The following TAF1C variants were observed in gnomAD, a reference collection of about 807,000 sequenced individuals.
TAF1C encodes TATA-box binding protein associated factor, RNA polymerase I subunit C, also known as TATA box-binding protein-associated factor RNA polymerase I subunit C.
TAF1C carries 79 observed loss-of-function variants against 70.5 expected under a neutral mutation model. That is an observed-to-expected ratio of 1.12 (90% CI 0.93 to 1.35). The LOEUF (loss-of-function observed/expected upper bound fraction) is 1.35. Among genes scored for constraint, TAF1C ranks in the 40% most tolerant of loss-of-function variants. The pLI, the probability that TAF1C is intolerant of heterozygous loss-of-function variation, is 0.00. For missense variants in TAF1C, 1,412 were observed against 1,127.8 expected, an observed-to-expected ratio of 1.25 and a Z score of -3.61; for synonymous variants, 614 against 491.1, an observed-to-expected ratio of 1.25 and a Z score of -3.31.
At chr16:84,183,610 G>C in intron 3 of TAF1C, 87 bp downstream of exon 3, 3 of 1,543,700 alleles carry the variant, frequency 1.9e-6, no homozygotes, top group Non-Finnish European at 2.7e-6. Context: ...CACAGGCTTA[G>C]CAGGGAGAGG....
Position 84,178,890 on chromosome 16 carries a change from G to C in TAF1C, c.*51C>G, listed in dbSNP as rs2088899965. ...ACTGTGGAAGGCACATCTGGTCCCA[G>C]AGGAAGGATGAGGGGCTCTCTGGGG... On this transcript the variant is annotated 3_prime_UTR_variant, in exon 15 of 15. Transcript: ENST00000566732. 2.0e-6 allele frequency: 3 copies of C among 1,513,392 alleles called. No homozygotes were observed. The East Asian group carries it at 6.8e-5, about 34-fold the overall frequency. 93.7% of individuals were successfully genotyped at this position (1,513,392 alleles called of 1,614,324 possible).
Position 84,181,351 on chromosome 16 carries a change from C to A in TAF1C, c.1141G>T (p.Gly381Ter), listed in dbSNP as rs748344899. 6.2e-7 allele frequency: 1 copy of A among 1,613,722 alleles called. No homozygotes were observed. The highest frequency in any genetic ancestry group is 1.1e-5 in the South Asian group (1 of 91,076). Residue 381 changes from glycine to a stop codon, truncating the protein, a stop_gained, in exon 11 of 15, where the codon GGA (glycine) becomes TGA (stop). Transcript: ENST00000566732. LOFTEE classifies it high-confidence loss of function. ...PRVLTVGDRT[G>*]VKMLDTQGPP... Reference sequence around the variant, plus strand: ...ACCTGAGTGTCCAGCATCTTCACTCCGGTGCGGTCACCCACGGTCAGCACC... The same window carrying A: ...ACCTGAGTGTCCAGCATCTTCACTCAGGTGCGGTCACCCACGGTCAGCACC...
chr16:84,178,679 C>T lies in TAF1C; in HGVS notation c.*262G>A. 1 of 531,936 alleles carries T rather than the reference C, an allele frequency of 1.9e-6. No homozygotes were observed. The highest frequency in any genetic ancestry group is 3.4e-6 in the Non-Finnish European group (1 of 296,024). 33.0% of individuals were successfully genotyped at this position (531,936 alleles called of 1,614,324 possible). A position where few individuals can be genotyped will look rare whatever the true frequency, so the allele number is the denominator to read the frequency against. On this transcript the variant is annotated 3_prime_UTR_variant, in exon 15 of 15. Coordinates refer to ENST00000566732, the MANE Select transcript of TAF1C (RefSeq NM_001243156.2). The stretch of plus-strand genomic sequence containing the variant: ...CCTGCCTCCCAGCACAGACTAAAAT[C>T]CCAGCAACACAGGCCCACCGGCACC...
In TAF1C at chr16:84,179,398, C is replaced by A. The variant is rs571590962; in HGVS notation, c.2075G>T (p.Ser692Ile). The change falls in exon 15 of 15, where the codon AGT becomes ATT. Residue 692 changes from serine (S) to isoleucine (I), a missense_variant. Ser to Ile is a moderately radical substitution (Grantham distance 142). Coordinates refer to ENST00000566732, the MANE Select transcript of TAF1C (RefSeq NM_001243156.2). ...TGCCCAGGCTTCCCCCAGGCGCTCA[C>A]TGAGCTTGTCCTCTAGGCCTGACTC... ...APESGLEDKL[S>I]ERLGEAWAGR... 16 of 1,598,240 alleles carry A rather than the reference C, an allele frequency of 1.0e-5. No homozygotes were observed. In the African/African-American group the frequency reaches 2.0e-4, roughly 20 times the overall value.
In TAF1C at chr16:84,181,415, G is replaced by C. The variant is rs761487145; in HGVS notation, c.1077C>G (p.Ser359=). The change falls in exon 11 of 15, where the codon TCC becomes TCG. Residue 359 remains serine (S), a synonymous_variant. Transcript: ENST00000566732. ...RDPETLVFRD[S]SSWRWADFTA... is the part of the protein sequence containing the mutation. Reference sequence around the variant, plus strand: ...TGAAGTCTGCCCAACGCCACGAAGAGGAGTCCCGGAACACGAGGGTCTCAG... The same window carrying C: ...TGAAGTCTGCCCAACGCCACGAAGACGAGTCCCGGAACACGAGGGTCTCAG... The C allele has an allele frequency of 6.2e-7, 1 of 1,613,920 alleles. No individual in the cohort carries two copies.
In TAF1C at chr16:84,180,025, G is replaced by A. The variant is rs760424012; in HGVS notation, c.1542C>T (p.Ile514=). 4.3e-6 allele frequency: 7 copies of A among 1,610,334 alleles called. No homozygotes were observed. Among genetic ancestry groups the A allele is most frequent in the South Asian group, 2.2e-5 (2 of 90,720 alleles). ...GCAGAGGAAATGCAGGGAGGGAGTC[G>A]ATCCTGGAAGGAAGAGACTGGGGGG... The part of the protein sequence containing the change: ...AGPPQSLPSR[I]DSLPAFPLLE... The change falls in exon 14 of 15, where the codon ATC becomes ATT. Residue 514 remains isoleucine, a synonymous_variant. Transcript: ENST00000566732.
chr16:84,178,326 A>G lies in TAF1C; in HGVS notation c.*615T>C. ...CATCTCTCTGCATGAGCTCAGTGTCAGGTAGTAGCTGTGGCGGGACGCTGT... is the reference window on the plus strand; with the variant it reads ...CATCTCTCTGCATGAGCTCAGTGTCGGGTAGTAGCTGTGGCGGGACGCTGT... On this transcript the variant is annotated 3_prime_UTR_variant, in exon 15 of 15. Coordinates refer to ENST00000566732, the MANE Select transcript of TAF1C (RefSeq NM_001243156.2). The G allele has an allele frequency of 6.6e-6, 3 of 457,006 alleles. No individual in the cohort carries two copies. Among genetic ancestry groups the G allele is most frequent in the Non-Finnish European group, 1.3e-5 (3 of 227,160 alleles). The allele number at this position is 457,006 out of a possible 1,614,324, so 28.3% of individuals were successfully genotyped here. A position where few individuals can be genotyped will look rare whatever the true frequency, so the allele number is the denominator to read the frequency against.
At chr16:84,180,846 C>T in intron 12 of TAF1C, 197 bp downstream of exon 12, 1 of 1,407,992 alleles carries the variant, frequency 7.1e-7, no homozygotes, top group Non-Finnish European at 9.2e-7. Flanking sequence ...AGGGGAGGCC[C>T]TGGGAGAGCT....
chr16:84,182,510 G>A lies in TAF1C; in HGVS notation c.483-70C>T. 7.1e-7 allele frequency: 1 copy of A among 1,414,988 alleles called. No individual in the cohort carries two copies. Among genetic ancestry groups the A allele is most frequent in the South Asian group, 1.3e-5 (1 of 77,358 alleles). The allele number at this position is 1,414,988 out of a possible 1,614,324, so 87.7% of individuals were successfully genotyped here. ...GGGAGGACAGGTCCCATCCCAAGGA[G>A]GCCAAGTGCAGTGGACACATTTCTT... On this transcript the variant is annotated intron_variant, in intron 6 of 14. Coordinates refer to ENST00000566732, the MANE Select transcript of TAF1C (RefSeq NM_001243156.2). This position sits in a 1 kb window ranked among gnomAD's most constrained non-coding sequence, Gnocchi z 5.0.
rs745738937 is a variant in TAF1C, at chr16:84,182,082, T to C, written c.722-24A>G. 9 of 1,609,306 alleles carry C rather than the reference T, an allele frequency of 5.6e-6. No homozygotes were observed. Among genetic ancestry groups the C allele is most frequent in the Admixed American group, 3.3e-5 (2 of 59,756 alleles). On this transcript the variant is annotated intron_variant, in intron 7 of 14. Transcript: ENST00000566732. This position sits in a 1 kb window ranked among gnomAD's most constrained non-coding sequence, Gnocchi z 5.0. The stretch of plus-strand genomic sequence containing the variant: ...ATCTGGGCCTCTCACTAAGGATCAG[T>C]GCACGAGCTATGATCACTGCAAGCC...
At chr16:84,184,726 G>A in intron 2 of TAF1C, 125 bp downstream of exon 2, 1 of 1,242,620 alleles carries the variant, frequency 8.0e-7, no homozygotes, top group South Asian at 1.6e-5. Flanking sequence ...GGCAGAGCCT[G>A]TGTCTCAGCA....
Position 84,183,401 on chromosome 16 carries a change from C to A in TAF1C, c.318+9G>T, listed in dbSNP as rs770505773. ...GCTACGCAGCACTGTCCCCCGTGGG[C>A]CCACTCACCTGCTCAGTCACATCCA... On this transcript the variant is annotated intron_variant, in intron 4 of 14. Coordinates refer to ENST00000566732, the MANE Select transcript of TAF1C (RefSeq NM_001243156.2). The A allele has an allele frequency of 1.2e-6, 2 of 1,612,952 alleles. No individual in the cohort carries two copies. The highest frequency in any genetic ancestry group is 8.5e-7 in the Non-Finnish European group (1 of 1,179,472).
At chr16:84,183,646 G>A (rs1172182828) in intron 3 of TAF1C, 51 bp downstream of exon 3, 1 of 1,571,790 alleles carries the variant, frequency 6.4e-7, no homozygotes, top group Non-Finnish European at 8.7e-7. Context: ...GGAGCAGTGG[G>A]AAGAATAGGT....
At position 84,179,274 on chromosome 16, in the gene TAF1C, G is replaced by C; in HGVS notation, c.2199C>G (p.Ser733Arg). The stretch of plus-strand genomic sequence containing the variant: ...GATCCACATGGCCACTGAGCGAAAA[G>C]CTGCTGGACAGCTGGGTCCGGCGCT... ...RPKRRTQLSS[S>R]FSLSGHVDPS... Residue 733 changes from serine to arginine, a missense_variant, in exon 15 of 15, where the codon AGC (serine) becomes AGG (arginine). Physicochemically the swap from Ser to Arg is moderately radical, Grantham distance 110 (BLOSUM62 -1). Transcript: ENST00000566732. 1.9e-6 allele frequency: 3 copies of C among 1,589,064 alleles called. No homozygotes were observed. Among genetic ancestry groups the C allele is most frequent in the Non-Finnish European group, 2.6e-6 (3 of 1,173,726 alleles).
At chr16:84,180,965 C>A in intron 12 of TAF1C, 78 bp downstream of exon 12, 2 of 1,497,592 alleles carry the variant, frequency 1.3e-6, no homozygotes, top group Non-Finnish European at 1.8e-6. Flanking sequence ...CCCAGCAGAG[C>A]CGCTGGTAAG....
At position 84,178,891 on chromosome 16, in the gene TAF1C, A is replaced by G. The variant is rs762222582; in HGVS notation, c.*50T>C. ...CTGTGGAAGGCACATCTGGTCCCAG[A>G]GGAAGGATGAGGGGCTCTCTGGGGC... On this transcript the variant is annotated 3_prime_UTR_variant, in exon 15 of 15. Coordinates refer to ENST00000566732, the MANE Select transcript of TAF1C (RefSeq NM_001243156.2). 1.3e-6 allele frequency: 2 copies of G among 1,513,432 alleles called. No individual in the cohort carries two copies. The highest frequency in any genetic ancestry group is 2.3e-5 in the East Asian group (1 of 44,118). The allele number at this position is 1,513,432 out of a possible 1,614,324, so 93.8% of individuals were successfully genotyped here. A position where few individuals can be genotyped will look rare whatever the true frequency, so the allele number is the denominator to read the frequency against.
At chr16:84,180,602 C>A in intron 12 of TAF1C, 1 of 585,102 alleles carries the variant, frequency 1.7e-6, no homozygotes, top group Non-Finnish European at 2.8e-6. Flanking sequence ...GTGGGGGAGC[C>A]TTGCCAGCAG....
At position 84,181,201 on chromosome 16, in the gene TAF1C, C is replaced by A. The variant is rs1412842439; in HGVS notation, c.1165-15G>T. The A allele has an allele frequency of 6.3e-7, 1 of 1,598,726 alleles. No homozygotes were observed. Among genetic ancestry groups the A allele is most frequent in the Non-Finnish European group, 8.6e-7 (1 of 1,168,302 alleles). On this transcript the variant is annotated splice_polypyrimidine_tract_variant and intron_variant, in intron 11 of 14. Coordinates refer to ENST00000566732, the MANE Select transcript of TAF1C (RefSeq NM_001243156.2). ...CCCGGCGGGCCCTGGAAGATAAACA[C>A]AGGGTCAGCCCTCCCCACAGTCCCA...
In TAF1C at chr16:84,178,071, C is replaced by T; in HGVS notation, c.*870G>A. 2 of 517,300 alleles carry T rather than the reference C, an allele frequency of 3.9e-6. No homozygotes were observed. The highest frequency in any genetic ancestry group is 3.6e-6 in the Non-Finnish European group (1 of 280,990). The allele number at this position is 517,300 out of a possible 1,614,324, so 32.0% of individuals were successfully genotyped here. On this transcript the variant is annotated 3_prime_UTR_variant, in exon 15 of 15. Coordinates refer to ENST00000566732, the MANE Select transcript of TAF1C (RefSeq NM_001243156.2). ...GCAAAATCTCAAGTGAGCATTTTCC[C>T]CACAGGAAAACAGAATCTTCCACTG... is the stretch of plus-strand genomic sequence containing the variant.
Sources: gnomAD v4.1 joint callset for allele counts on GRCh38, gnomAD v4.1.1 for gene constraint, Gnocchi (gnomAD v3.1) non-coding constraint, MANE v1.5 for transcripts, NCBI Gene and HGNC (gene_info 2026-07-23, HGNC 2026-07-21) for gene names.